Variants in MCTP2 observed in about 807,000 individuals in gnomAD.
MCTP2 encodes multiple C2 and transmembrane domain containing 2.
MCTP2 carries 132 observed loss-of-function variants against 111.6 expected under a neutral mutation model. The ratio of observed to expected loss-of-function variants is 1.18; its 90% CI spans 1.03 to 1.37. MCTP2 has a LOEUF of 1.37. Among genes scored for constraint, MCTP2 ranks in the 40% most tolerant of loss-of-function variants. The pLI is 0.00. For synonymous variants in MCTP2, 395 were observed against 387.7 expected (o/e 1.02, Z -0.22); for missense variants, 1,183 against 1,067.9 (o/e 1.11, Z -1.50).
intron 1 of MCTP2, 175 bp downstream of exon 1, chr15:94,231,839 G>A (rs2070195826): frequency 6.6e-6 from 1 of 152,438 alleles, no homozygotes. Context: ...AGATCAGAAA[G>A]GTGTCCTGAG....
chr15:94,235,945 T>A (rs1229406002), intron 1 of MCTP2, among the ~76,000 whole-genome samples: 1 of 152,230 alleles, frequency 6.6e-6, no homozygotes, highest in African/African-American at 2.4e-5. Context: ...GGTTAAGAAA[T>A]TTTTCATTAG....
chr15:94,478,752 A>C (rs908350712), intron 22 of MCTP2, among the ~76,000 whole-genome samples: 43 of 152,262 alleles, frequency 2.8e-4, no homozygotes, highest in African/African-American at 9.4e-4. Flanking sequence ...TCATTAGAAA[A>C]ATCTGCTTTT....
intron 14 of MCTP2, among the ~76,000 whole-genome samples, chr15:94,392,730 C>T (rs948147546): frequency 2.0e-5 from 3 of 151,320 alleles, no homozygotes. Flanking sequence ...GCAGGAGAAT[C>T]GCCTGAACCT....
chr15:94,330,558 A>G (rs566499476), intron 4 of MCTP2, among the ~76,000 whole-genome samples: 79 of 151,558 alleles, frequency 5.2e-4, no homozygotes, highest in Non-Finnish European at 9.6e-4. Context: ...TTATTGTAGT[A>G]TTCTAGCTGC....
intron 4 of MCTP2, among the ~76,000 whole-genome samples, chr15:94,333,786 AG>A (rs1464559059): frequency 2.0e-5 from 3 of 152,202 alleles, no homozygotes; most frequent in Non-Finnish European, 4.4e-5. Context: ...TGAATACAAC[AG>A]TAGGTAAGGA....
intron 2 of MCTP2, among the ~76,000 whole-genome samples, chr15:94,310,840 C>T (rs972351409): frequency 6.6e-5 from 10 of 151,270 alleles, no homozygotes; most frequent in Non-Finnish European, 1.3e-4. Flanking sequence ...CTCAGGAGGC[C>T]GAGGCAGGAG....
chr15:94,476,819 C>A, intron 22 of MCTP2, 26 bp downstream of exon 22: 1 of 1,324,352 alleles, frequency 7.6e-7, no homozygotes, highest in Non-Finnish European at 1.1e-6. Flanking sequence ...TTACCACCAA[C>A]AGTGGCCCCA....
chr15:94,349,850 C>T (rs7167212), intron 8 of MCTP2, among the ~76,000 whole-genome samples: 15,323 of 149,358 alleles, frequency 0.1, 1,318 homozygotes, highest in African/African-American at 0.23. Flanking sequence ...TGGAATGAAT[C>T]TCATCAGTTG....
intron 1 of MCTP2, among the ~76,000 whole-genome samples, chr15:94,243,369 G>A (rs1215653471): frequency 7.3e-6 from 1 of 137,146 alleles, no homozygotes. Flanking sequence ...GCGTATATGC[G>A]TATGTACATA....
chr15:94,333,351 T>C (rs10520748), intron 4 of MCTP2, among the ~76,000 whole-genome samples: 76,028 of 152,014 alleles, frequency 0.5, 19,117 homozygotes, highest in Admixed American at 0.55. Flanking sequence ...CATATAAATT[T>C]GAAGTACATA....
At chr15:94,452,026 A>AACTT (rs996068181) in intron 19 of MCTP2, among the ~76,000 whole-genome samples, 1 of 152,154 alleles carries the variant, frequency 6.6e-6, no homozygotes, top group African/African-American at 2.4e-5. Context: ...CCAAATATTA[A>AACTT]ACTTGAAATT....
At chr15:94,315,057 A>G (rs935888934) in intron 3 of MCTP2, among the ~76,000 whole-genome samples, 1 of 152,138 alleles carries the variant, frequency 6.6e-6, no homozygotes, top group African/African-American at 2.4e-5. Flanking sequence ...TTTACTACAC[A>G]TGGAAGTCTA....
At chr15:94,248,137 G>A (rs187258954) in intron 1 of MCTP2, among the ~76,000 whole-genome samples, 38 of 152,296 alleles carry the variant, frequency 2.5e-4, no homozygotes, top group Admixed American at 3.3e-4. Flanking sequence ...GCTTGGGGTA[G>A]AACTTGTTAA....
chr15:94,248,996 C>T (rs1327260232), intron 1 of MCTP2, among the ~76,000 whole-genome samples: 7 of 152,196 alleles, frequency 4.6e-5, no homozygotes, highest in Admixed American at 2.6e-4. Context: ...ATGTTAAACT[C>T]GAGCTTAAAT....
intron 2 of MCTP2, among the ~76,000 whole-genome samples, chr15:94,300,284 G>T (rs144183059): frequency 6.4e-4 from 98 of 151,980 alleles, no homozygotes; most frequent in African/African-American, 2.3e-3. Context: ...GAGGTGGGTG[G>T]AGATCACGAG....
At chr15:94,449,959 C>A (rs1241824427) in intron 19 of MCTP2, among the ~76,000 whole-genome samples, 1 of 152,148 alleles carries the variant, frequency 6.6e-6, no homozygotes, top group African/African-American at 2.4e-5. Context: ...TGAAATCAAT[C>A]TTTCAAGGGT....
intron 1 of MCTP2, among the ~76,000 whole-genome samples, chr15:94,234,916 GA>G (rs1447506367): frequency 2.0e-5 from 3 of 152,130 alleles, no homozygotes; most frequent in Non-Finnish European, 2.9e-5. Context: ...TACTCTGATG[GA>G]GTCCAGGAGG....
rs2074781305 is a variant in MCTP2, at chr15:94,482,583, C to G, written c.*3549C>G. The G allele has an allele frequency of 6.6e-6, 1 of 152,022 alleles. No homozygotes were observed. Among genetic ancestry groups the G allele is most frequent in the Non-Finnish European group, 1.5e-5 (1 of 68,030 alleles). 9.4% of individuals were successfully genotyped at this position (152,022 alleles called of 1,614,324 possible). ...GAATCTCAGGTGACTGAAAAGCATC[C>G]AAATAGGAATGTCAGCAAGGTAATG... On this transcript the variant is annotated 3_prime_UTR_variant, in exon 23 of 23. Transcript: ENST00000357742.
chr15:94,401,191 G>A (rs763953705), intron 16 of MCTP2, among the ~76,000 whole-genome samples: 1 of 152,034 alleles, frequency 6.6e-6, no homozygotes, highest in Non-Finnish European at 1.5e-5. Context: ...AGGACCCTCC[G>A]CACGTGCCTC....
Sources: allele counts gnomAD v4.1 joint callset (sites outside exome capture counted in the v4.1 genomes callset), GRCh38; gene constraint gnomAD v4.1.1; transcripts MANE v1.5; gene names NCBI Gene and HGNC (gene_info 2026-07-23, HGNC 2026-07-21).